The following USP36 variants were observed in gnomAD, a reference collection of about 807,000 sequenced individuals.
The protein encoded by USP36 is ubiquitin specific peptidase 36.
USP36 carries 59 observed loss-of-function variants against 111.5 expected under a neutral mutation model. The observed-to-expected ratio is 0.53, with a 90% confidence interval of 0.43 to 0.66. The LOEUF (loss-of-function observed/expected upper bound fraction) is 0.66. Among genes scored for constraint, USP36 ranks in the 30% least tolerant of loss-of-function variants. The pLI, the probability that USP36 is intolerant of heterozygous loss-of-function variation, is 0.00. For synonymous variants in USP36, 628 were observed against 581.0 expected, an observed-to-expected ratio of 1.08 and a Z score of -1.16; for missense variants, 1,488 against 1,468.0, an observed-to-expected ratio of 1.01 and a Z score of -0.22.
At chr17:78,812,010 G>A (rs978483972) in intron 13 of USP36, among the ~76,000 whole-genome samples, 3 of 152,156 alleles carry the variant, frequency 2.0e-5, no homozygotes, top group Admixed American at 1.3e-4. Flanking sequence ...GCAACATAGT[G>A]AGACCCTGTC....
At chr17:78,806,000 G>T (rs911866908) in intron 15 of USP36, among the ~76,000 whole-genome samples, 156 bp downstream of exon 15, 1 of 152,206 alleles carries the variant, frequency 6.6e-6, no homozygotes, top group Non-Finnish European at 1.5e-5. Context: ...CAGAAGAGGG[G>T]GATCTTGGTC....
intron 10 of USP36, among the ~76,000 whole-genome samples, chr17:78,816,141 C>T (rs749682193): frequency 2.0e-5 from 3 of 151,860 alleles, no homozygotes; most frequent in Admixed American, 6.6e-5. Context: ...TTAGGAACTC[C>T]GAAAAACATA....
chr17:78,831,471 T>C (rs1344478506), intron 4 of USP36, among the ~76,000 whole-genome samples: 1 of 149,732 alleles, frequency 6.7e-6, no homozygotes, highest in Non-Finnish European at 1.5e-5. Context: ...ACATTAGCCG[T>C]GTGTGGTGGC....
chr17:78,801,352 T>G (rs1304734910), intron 17 of USP36, among the ~76,000 whole-genome samples: 1 of 152,196 alleles, frequency 6.6e-6, no homozygotes, highest in East Asian at 1.9e-4. Context: ...GCTATTTATT[T>G]CATACCATTT....
intron 11 of USP36, 34 bp from the exon 12 acceptor site, chr17:78,813,907 C>T (rs531808581): frequency 6.3e-7 from 1 of 1,586,094 alleles, no homozygotes. Context: ...GAAAACAAAA[C>T]AATCAACAAG....
chr17:78,799,834 A>G, intron 17 of USP36, 66 bp from the exon 18 acceptor site: 1 of 1,134,244 alleles, frequency 8.8e-7, no homozygotes, highest in Non-Finnish European at 1.3e-6. Flanking sequence ...AAGCAATCGC[A>G]CACCTTAAAT....
chr17:78,804,129 T>C (rs1414340030), intron 15 of USP36, 151 bp from the exon 16 acceptor site: 7 of 579,980 alleles, frequency 1.2e-5, no homozygotes, highest in African/African-American at 7.6e-5. Context: ...GTTACATGTA[T>C]GTTTGAAAGA....
At chr17:78,834,120 G>A (rs977235484) in intron 4 of USP36, among the ~76,000 whole-genome samples, 12 of 151,746 alleles carry the variant, frequency 7.9e-5, no homozygotes, top group Admixed American at 5.3e-4. Flanking sequence ...GGTGGCGTGC[G>A]TCTATAGTCC....
In USP36 at chr17:78,807,163, G is replaced by C; in HGVS notation, c.1881C>G (p.Pro627=). 1 of 1,614,230 alleles carries C rather than the reference G, an allele frequency of 6.2e-7. No homozygotes were observed. Among genetic ancestry groups the C allele is most frequent in the Non-Finnish European group, 8.5e-7 (1 of 1,180,036 alleles). Residue 627 remains proline (P), a synonymous_variant, in exon 14 of 21, where the codon CCC becomes CCG. Transcript: ENST00000449938. The part of the protein sequence containing the change: ...HSASSDSTKA[P]QTPRSGAAHL... ...GGGCCGCTCCACTCCTGGGGGTCTG[G>C]GGGGCCTTGGTGGAGTCGCTGCTGG...
At chr17:78,827,939 T>G (rs1460825936) in intron 5 of USP36, among the ~76,000 whole-genome samples, 1 of 151,870 alleles carries the variant, frequency 6.6e-6, no homozygotes, top group Admixed American at 6.6e-5. Flanking sequence ...GAATGTAAAA[T>G]CCGGCAGGAT....
In USP36 at chr17:78,797,188, G is replaced by C. The variant is rs117475713; in HGVS notation, c.*712C>G. 1 of 152,226 alleles carries C rather than the reference G, an allele frequency of 6.6e-6. No homozygotes were observed. The highest frequency in any genetic ancestry group is 1.5e-5 in the Non-Finnish European group (1 of 68,046). 9.4% of individuals were successfully genotyped at this position (152,226 alleles called of 1,614,324 possible). On this transcript the variant is annotated 3_prime_UTR_variant, in exon 21 of 21. Coordinates refer to ENST00000449938, the MANE Select transcript of USP36 (RefSeq NM_001385174.1). ...CTGCAAGGGAAGCTACAGCACAGTC[G>C]TCTCAGAATAAACAGCAGCCTGGAA...
chr17:78,836,804 CACACACACACACACAAACGG>C (rs1035010799), intron 2 of USP36, among the ~76,000 whole-genome samples: 4 of 144,026 alleles, frequency 2.8e-5, no homozygotes, highest in Admixed American at 6.7e-5. Flanking sequence ...CACGGACACA[CACACACACACACACAAACGG>C]ACACACACAC....
At chr17:78,813,651 A>G in intron 12 of USP36, 122 bp downstream of exon 12, 2 of 850,518 alleles carry the variant, frequency 2.4e-6, no homozygotes, top group Non-Finnish European at 3.7e-6. Flanking sequence ...TCTATGACAC[A>G]TGACAAATCC....
chr17:78,813,534 T>C (rs892998427), intron 12 of USP36, among the ~76,000 whole-genome samples: 3 of 152,180 alleles, frequency 2.0e-5, no homozygotes, highest in Admixed American at 6.5e-5. Context: ...AATGGTGACT[T>C]TCCTGTTTAC....
rs1157174469 is a variant in USP36 at position 78,801,003 on chromosome 17, G to A, written c.3023-1235C>T. On this transcript the variant is annotated intron_variant, in intron 17 of 20. Transcript: ENST00000449938. ...TTTTTTTTTTTTTTTTTGAGACGGA[G>A]TCTCACTCTGTCACCCAGGCTGGAG... Among the ~76,000 whole-genome samples the A allele has an allele frequency of 2.3e-5, 3 of 130,412 alleles. No individual in the cohort carries two copies. In the East Asian group the frequency reaches 6.8e-4, roughly 30 times the overall value. The allele number at this position is 130,412 out of a possible 152,430, so 85.6% of individuals were successfully genotyped here. A position where few individuals can be genotyped will look rare whatever the true frequency, so the allele number is the denominator to read the frequency against.
At chr17:78,790,206 A>G (rs997588925) in intron 3 of USP36, among the ~76,000 whole-genome samples, 5 of 152,068 alleles carry the variant, frequency 3.3e-5, no homozygotes, top group Middle Eastern at 6.8e-3. Context: ...CCTCTGCCTC[A>G]GCCTCCCTGA....
Position 78,813,013 on chromosome 17 carries a change from A to T in USP36, c.1266-12T>A. 1.9e-6 allele frequency: 3 copies of T among 1,613,838 alleles called. No individual in the cohort carries two copies. The highest frequency in any genetic ancestry group is 2.5e-6 in the Non-Finnish European group (3 of 1,179,872). ...TAGAGCCTGGAATTCTGTCAAAGGAAGAAAACAAGTAGGGAATTCTCTTAC... is the reference window on the plus strand; with the variant it reads ...TAGAGCCTGGAATTCTGTCAAAGGATGAAAACAAGTAGGGAATTCTCTTAC... On this transcript the variant is annotated splice_polypyrimidine_tract_variant and intron_variant, in intron 12 of 20. Transcript: ENST00000449938.
chr17:78,795,065 C>T (rs2093611651), downstream of USP36, among the ~76,000 whole-genome samples: 2 of 151,686 alleles, frequency 1.3e-5, no homozygotes, highest in Non-Finnish European at 1.5e-5. This position sits in a 1 kb window ranked among gnomAD's most constrained non-coding sequence, Gnocchi z 4.5. Context: ...CGCCACTGCA[C>T]CCAGCGTTGG....
intron 1 of USP36, among the ~76,000 whole-genome samples, chr17:78,839,122 T>C (rs74001297): frequency 0.01 from 1,571 of 152,254 alleles, 33 homozygotes; most frequent in African/African-American, 0.035. Context: ...CAGGGAGTAA[T>C]AGGAGTTGCC....
Sources: allele counts gnomAD v4.1 joint callset (sites outside exome capture counted in the v4.1 genomes callset), GRCh38; gene constraint gnomAD v4.1.1; non-coding constraint Gnocchi (gnomAD v3.1); transcripts MANE v1.5; gene names NCBI Gene and HGNC (gene_info 2026-07-23, HGNC 2026-07-21).